WAC: variants seen among roughly 807,000 people sequenced by gnomAD.
WAC encodes WW domain-containing adapter protein with coiled-coil.
WAC carries 11 observed loss-of-function variants against 79.6 expected under a neutral mutation model. That is an observed-to-expected ratio of 0.14 (90% CI 0.09 to 0.23). The LOEUF (loss-of-function observed/expected upper bound fraction) is 0.23. Ranked by LOEUF, WAC falls within the 10% of genes least tolerant of loss-of-function variation. The probability of loss-of-function intolerance (pLI) is 1.00; values close to 1 mark genes in which losing one functional copy is unlikely to be tolerated. For synonymous variants in WAC, 304 were observed against 276.9 expected, an observed-to-expected ratio of 1.10 and a Z score of -0.97; for missense variants, 728 against 773.5, an observed-to-expected ratio of 0.94 and a Z score of 0.70.
intron 7 of WAC, among the ~76,000 whole-genome samples, chr10:28,603,652 G>A (rs1840748220): frequency 6.6e-6 from 1 of 151,932 alleles, no homozygotes; most frequent in African/African-American, 2.4e-5. Flanking sequence ...GTATTTGTAG[G>A]CCAGGTGCGG....
chr10:28,569,594 GAATT>G lies in WAC; in HGVS notation c.275-13801_275-13798del, dbSNP rs576599407. ...TGTTTCTGGAGCATATATACACTGA[GAATT>G]AATCTCTGAATGTTTGAAACAGTTC... On this transcript the variant is annotated intron_variant, in intron 3 of 13. Coordinates refer to ENST00000354911, the MANE Select transcript of WAC (RefSeq NM_016628.5). Among the ~76,000 whole-genome samples, 399 of 152,294 alleles carry G rather than the reference GAATT, an allele frequency of 2.6e-3. 2 individuals are homozygous for G. The highest frequency in any genetic ancestry group is 9.2e-3 in the African/African-American group (382 of 41,550).
At chr10:28,608,057 G>A in intron 7 of WAC, 129 bp from the exon 8 acceptor site, 1 of 945,148 alleles carries the variant, frequency 1.1e-6, no homozygotes, top group Non-Finnish European at 1.6e-6. Flanking sequence ...TCTTCTGTGT[G>A]CTCCAGTGTG....
At chr10:28,606,833 T>C (rs1840978785) in intron 7 of WAC, among the ~76,000 whole-genome samples, 1 of 152,246 alleles carries the variant, frequency 6.6e-6, no homozygotes, top group South Asian at 2.1e-4. Flanking sequence ...GTTCGTATCT[T>C]CAACTTTTCT....
intron 10 of WAC, 123 bp downstream of exon 10, chr10:28,612,045 A>G: frequency 8.3e-7 from 1 of 1,199,832 alleles, no homozygotes; most frequent in South Asian, 1.5e-5. Flanking sequence ...AATGAATGAC[A>G]GGTATGATAG....
At chr10:28,543,891 G>C (rs61848477) in intron 3 of WAC, among the ~76,000 whole-genome samples, 28,199 of 152,094 alleles carry the variant, frequency 0.19, 3,098 homozygotes, top group Non-Finnish European at 0.25. Flanking sequence ...TGTTGCTGTT[G>C]TTGTACTTGT....
At position 28,541,415 on chromosome 10, in the gene WAC, G is replaced by GTTTTTTTTTTTTTTTTTTTT. The variant is rs143772149; in HGVS notation, c.274+5662_274+5663insTTTTTTTTTTTTTTTTTTTT. Among the ~76,000 whole-genome samples the GTTTTTTTTTTTTTTTTTTTT allele has an allele frequency of 1.3e-4, 5 of 37,904 alleles. 2 individuals carry two copies. The highest frequency in any genetic ancestry group is 1.3e-4 in the Non-Finnish European group (3 of 23,614). 24.9% of individuals were successfully genotyped at this position (37,904 alleles called of 152,430 possible). ...TTTTTGTGGGGTTGTGTGTGTGTGT[G>GTTTTTTTTTTTTTTTTTTTT]TTTTGTTTTTTTTTTTTTTTTTTTT... On this transcript the variant is annotated intron_variant, in intron 3 of 13. Coordinates refer to ENST00000354911, the MANE Select transcript of WAC (RefSeq NM_016628.5).
chr10:28,572,927 G>T (rs958774847), intron 3 of WAC, among the ~76,000 whole-genome samples: 3 of 152,122 alleles, frequency 2.0e-5, no homozygotes, highest in Non-Finnish European at 4.4e-5. Context: ...TTTAGACTTT[G>T]TTGTGATTAT....
intron 10 of WAC, among the ~76,000 whole-genome samples, chr10:28,614,048 G>A (rs181354201): frequency 6.6e-6 from 1 of 151,966 alleles, no homozygotes; most frequent in Admixed American, 6.5e-5. Context: ...AAAAGTAACA[G>A]TAAATCAGAA....
chr10:28,584,328 A>G (rs1484706668), intron 4 of WAC, among the ~76,000 whole-genome samples: 1 of 152,210 alleles, frequency 6.6e-6, no homozygotes, highest in Non-Finnish European at 1.5e-5. Flanking sequence ...AGAGCTTGCA[A>G]CGATGTAGAA....
At chr10:28,555,465 G>A (rs181280414) in intron 3 of WAC, among the ~76,000 whole-genome samples, 243 of 151,970 alleles carry the variant, frequency 1.6e-3, no homozygotes, top group Admixed American at 4.8e-3. Context: ...TATTGCAGTA[G>A]ATACAAGAAC....
intron 3 of WAC, among the ~76,000 whole-genome samples, chr10:28,554,955 C>G (rs1351671280): frequency 1.3e-5 from 2 of 152,156 alleles, no homozygotes; most frequent in Non-Finnish European, 2.9e-5. Context: ...ACCCCCAAGT[C>G]TAGGTTACTT....
intron 8 of WAC, among the ~76,000 whole-genome samples, chr10:28,609,204 A>G (rs941145299): frequency 2.0e-5 from 3 of 152,194 alleles, no homozygotes; most frequent in African/African-American, 7.2e-5. Flanking sequence ...TCTAATAAAA[A>G]TACAAAAGTT....
chr10:28,552,866 TTTGTC>T (rs1837760832), intron 3 of WAC, among the ~76,000 whole-genome samples: 1 of 147,376 alleles, frequency 6.8e-6, no homozygotes, highest in South Asian at 2.1e-4. Context: ...TTTTTTTTTT[TTTGTC>T]TTCTTGGGTA....
intron 6 of WAC, among the ~76,000 whole-genome samples, chr10:28,593,448 T>C (rs1840199240): frequency 6.6e-6 from 1 of 152,072 alleles, no homozygotes; most frequent in African/African-American, 2.4e-5. Context: ...TTTTGCAATA[T>C]ATTAAGTGTT....
chr10:28,606,055 G>GTT (rs35927464), intron 7 of WAC, among the ~76,000 whole-genome samples: 2 of 145,648 alleles, frequency 1.4e-5, no homozygotes, highest in Non-Finnish European at 1.5e-5. Flanking sequence ...CAGTTTTTTG[G>GTT]TTTTTTTTTT....
intron 8 of WAC, among the ~76,000 whole-genome samples, chr10:28,608,917 A>G (rs1280223414): frequency 6.6e-6 from 1 of 152,230 alleles, no homozygotes; most frequent in African/African-American, 2.4e-5. Flanking sequence ...GGTACTAGAT[A>G]AAATGTTGCC....
intron 6 of WAC, among the ~76,000 whole-genome samples, chr10:28,594,093 G>A (rs558863415): frequency 3.3e-4 from 51 of 152,308 alleles, no homozygotes; most frequent in Non-Finnish European, 5.7e-4. Context: ...TGCTTTAACT[G>A]TGTTTATCTA....
chr10:28,596,147 TA>T (rs971634975), intron 7 of WAC, 106 bp downstream of exon 7: 3 of 1,227,466 alleles, frequency 2.4e-6, no homozygotes, highest in Non-Finnish European at 3.3e-6. Context: ...TATAAATTTT[TA>T]AAAAAGTCTT....
intron 3 of WAC, among the ~76,000 whole-genome samples, chr10:28,570,135 A>G (rs1564392475): frequency 6.6e-6 from 1 of 152,238 alleles, no homozygotes; most frequent in African/African-American, 2.4e-5. Flanking sequence ...TCCTTGAGGT[A>G]ACTCTGCTGT....
Sources: allele counts gnomAD v4.1 joint callset (sites outside exome capture counted in the v4.1 genomes callset), GRCh38; gene constraint gnomAD v4.1.1; transcripts MANE v1.5; gene names NCBI Gene and HGNC (gene_info 2026-07-23, HGNC 2026-07-21).